Variants in DENND1B observed in about 807,000 individuals in gnomAD.
DENND1B encodes DENN domain containing 1B, also known as DENN domain-containing protein 1B.
A neutral mutation model predicts 90.1 loss-of-function variants in DENND1B; 59 were observed. The ratio of observed to expected loss-of-function variants is 0.65; its 90% CI spans 0.53 to 0.81. DENND1B has a LOEUF of 0.81. Ranked by LOEUF, DENND1B falls within the 40% of genes least tolerant of loss-of-function variation. DENND1B has a pLI of 0.00. For synonymous variants in DENND1B, 337 were observed against 324.6 expected (o/e 1.04, Z -0.41); for missense variants, 862 against 912.6 (o/e 0.94, Z 0.71).
At chr1:197,625,315 C>A (rs1572105110) in intron 10 of DENND1B, among the ~76,000 whole-genome samples, 2 of 152,122 alleles carry the variant, frequency 1.3e-5, no homozygotes, top group South Asian at 4.1e-4. Context: ...CAGCAGATCT[C>A]TCAGCAGAAA....
At chr1:197,693,021 A>G (rs1321309714) in intron 3 of DENND1B, among the ~76,000 whole-genome samples, 1 of 151,622 alleles carries the variant, frequency 6.6e-6, no homozygotes, top group Non-Finnish European at 1.5e-5. Flanking sequence ...CATATGCCTT[A>G]TTTTTACATT....
rs919680030 is a variant in DENND1B, at chr1:197,775,462, G to A, written c.-307C>T. ...TCCTGCGACCGGGGCCGCCCGCTGC[G>A]GCTCCTGCACCTTCTTGCAAATCAG... On this transcript the variant is annotated 5_prime_UTR_variant, in exon 1 of 23. Transcript: ENST00000620048. 3.8e-6 allele frequency: 1 copy of A among 261,960 alleles called. No individual in the cohort carries two copies. The highest frequency in any genetic ancestry group is 7.2e-6 in the Non-Finnish European group (1 of 138,998). The allele number at this position is 261,960 out of a possible 1,614,324, so 16.2% of individuals were successfully genotyped here.
intron 13 of DENND1B, among the ~76,000 whole-genome samples, chr1:197,603,048 C>T (rs1676348230): frequency 1.3e-5 from 2 of 151,416 alleles, no homozygotes; most frequent in Admixed American, 1.3e-4. Flanking sequence ...ATGCTTCATA[C>T]AAAATATAGC....
At chr1:197,561,108 T>C (rs1278758732) in intron 15 of DENND1B, among the ~76,000 whole-genome samples, 2 of 151,946 alleles carry the variant, frequency 1.3e-5, no homozygotes, top group African/African-American at 4.8e-5. Flanking sequence ...AAACATGTTA[T>C]TTCTTCTCTT....
chr1:197,769,062 T>C (rs1423644252), intron 2 of DENND1B, among the ~76,000 whole-genome samples: 2 of 152,186 alleles, frequency 1.3e-5, no homozygotes, highest in Non-Finnish European at 2.9e-5. Context: ...TGAAAACATT[T>C]AGACTTACCT....
chr1:197,527,633 A>G lies in DENND1B; in HGVS notation c.1515+12331T>C, dbSNP rs556074745. Among the ~76,000 whole-genome samples the G allele has an allele frequency of 7.2e-5, 11 of 152,262 alleles. No homozygotes were observed. In the South Asian group the frequency reaches 1.2e-3, roughly 17 times the overall value. ...CTTATTACTTTAACATTTCAGCTTG[A>G]TAACAGTGTTCTCAATACTGAGCCA... On this transcript the variant is annotated intron_variant, in intron 20 of 22. Transcript: ENST00000620048.
chr1:197,552,995 G>T, intron 16 of DENND1B, 27 bp downstream of exon 16: 2 of 1,562,268 alleles, frequency 1.3e-6, no homozygotes, highest in Non-Finnish European at 8.6e-7. Flanking sequence ...TGAGAAAATG[G>T]ATAATCATAT....
chr1:197,598,469 C>T (rs1358089552), intron 13 of DENND1B, among the ~76,000 whole-genome samples: 2 of 151,634 alleles, frequency 1.3e-5, no homozygotes, highest in Admixed American at 1.3e-4. Context: ...TTACCAATGC[C>T]CTTTGCAGTG....
intron 20 of DENND1B, among the ~76,000 whole-genome samples, chr1:197,529,905 T>C (rs1384379908): frequency 1.3e-5 from 2 of 152,170 alleles, no homozygotes; most frequent in Admixed American, 6.5e-5. Context: ...GGCCCTGTTT[T>C]CAATAAAACC....
At chr1:197,699,533 A>G (rs1658805094) in intron 3 of DENND1B, among the ~76,000 whole-genome samples, 1 of 152,188 alleles carries the variant, frequency 6.6e-6, no homozygotes, top group African/African-American at 2.4e-5. Context: ...ACTCCTATTC[A>G]ACACAGTATT....
chr1:197,628,765 G>A (rs1156877791), intron 10 of DENND1B, among the ~76,000 whole-genome samples: 4 of 151,882 alleles, frequency 2.6e-5, no homozygotes, highest in East Asian at 1.9e-4. Flanking sequence ...GAAAATTTTT[G>A]CAACCTACTC....
intron 15 of DENND1B, among the ~76,000 whole-genome samples, chr1:197,580,563 T>C (rs1250365775): frequency 6.6e-6 from 1 of 152,096 alleles, no homozygotes; most frequent in Non-Finnish European, 1.5e-5. Context: ...GCACTAACAT[T>C]TAGGGTCCTT....
At chr1:197,774,322 T>C (rs1656993078) in intron 1 of DENND1B, among the ~76,000 whole-genome samples, 2 of 152,168 alleles carry the variant, frequency 1.3e-5, no homozygotes, top group Non-Finnish European at 2.9e-5. Context: ...AATACAAATA[T>C]ACATGGCATT....
chr1:197,529,334 G>A (rs937656491), intron 20 of DENND1B, among the ~76,000 whole-genome samples: 21 of 143,410 alleles, frequency 1.5e-4, no homozygotes, highest in Non-Finnish European at 2.7e-4. Context: ...GTATATATAT[G>A]TGTGTGTGTG....
chr1:197,545,688 C>T (rs1670760938), intron 18 of DENND1B: 1 of 396,698 alleles, frequency 2.5e-6, no homozygotes, highest in Non-Finnish European at 4.4e-6. Flanking sequence ...CACAACTTTG[C>T]CGATAGCTTT....
At chr1:197,684,023 G>GA (rs758275311) in intron 3 of DENND1B, among the ~76,000 whole-genome samples, 11 of 152,140 alleles carry the variant, frequency 7.2e-5, no homozygotes, top group Admixed American at 1.3e-4. Flanking sequence ...CTCATGCTAA[G>GA]AAAAAATCTG....
At chr1:197,727,975 T>C (rs1571522431) in intron 2 of DENND1B, among the ~76,000 whole-genome samples, 1 of 151,844 alleles carries the variant, frequency 6.6e-6, no homozygotes, top group African/African-American at 2.4e-5. Flanking sequence ...GTTGAAGAGC[T>C]GTGAAAAAAA....
intron 2 of DENND1B, among the ~76,000 whole-genome samples, chr1:197,729,180 A>G (rs1661925787): frequency 6.6e-6 from 1 of 152,098 alleles, no homozygotes; most frequent in Admixed American, 6.6e-5. Flanking sequence ...CTACCAAACC[A>G]TCTTATTTGT....
intron 3 of DENND1B, among the ~76,000 whole-genome samples, chr1:197,714,763 A>G (rs2102237638): frequency 6.6e-6 from 1 of 152,256 alleles, no homozygotes; most frequent in East Asian, 1.9e-4. Context: ...TAGATAAATT[A>G]AACAAGTATA....
Sources: gnomAD v4.1 joint callset for allele counts (sites outside exome capture counted in the v4.1 genomes callset) on GRCh38, gnomAD v4.1.1 for gene constraint, MANE v1.5 for transcripts, NCBI Gene and HGNC (gene_info 2026-07-23, HGNC 2026-07-21) for gene names.